The following LARGE1 variants were observed in gnomAD, a reference collection of about 807,000 sequenced individuals.
LARGE1 encodes xylosyl- and glucuronyltransferase LARGE1.
LARGE1 carries 43 observed loss-of-function variants against 87.6 expected under a neutral mutation model. That is an observed-to-expected ratio of 0.49 (90% CI 0.38 to 0.63). The LOEUF is 0.63. LARGE1 is among the 30% of genes least tolerant of loss of function. LARGE1 has a pLI of 0.00. For synonymous variants in LARGE1, 434 were observed against 394.6 expected (o/e 1.10, Z -1.18); for missense variants, 802 against 1,000.2 (o/e 0.80, Z 2.67).
chr22:33,693,991 G>A (rs1383062167), intron 2 of LARGE1, among the ~76,000 whole-genome samples: 1 of 152,202 alleles, frequency 6.6e-6, no homozygotes, highest in African/African-American at 2.4e-5. Flanking sequence ...CCACCCTGGA[G>A]GAAGGAGCAG....
chr22:33,506,197 A>AATATATAT lies in LARGE1; in HGVS notation c.787+58643_787+58650dup, dbSNP rs113938616. 2.0e-5 allele frequency among the ~76,000 whole-genome samples: 3 copies of AATATATAT among 149,112 alleles called. No homozygotes were observed. The South Asian group carries it at 6.3e-4, about 32-fold the overall frequency. The stretch of plus-strand genomic sequence containing the variant: ...GCCCTGAACATAGTATGTGCTACAT[A>AATATATAT]ATATATATATATATATATTTTTGGA... On this transcript the variant is annotated intron_variant, in intron 6 of 14. Transcript: ENST00000397394.
intron 11 of LARGE1, among the ~76,000 whole-genome samples, chr22:33,313,322 G>A (rs1018933006): frequency 6.6e-6 from 1 of 151,996 alleles, no homozygotes; most frequent in Non-Finnish European, 1.5e-5. Context: ...ACCTCCCCTC[G>A]GACACATTCC....
chr22:33,510,414 G>A (rs12159409), intron 6 of LARGE1, among the ~76,000 whole-genome samples: 2,022 of 152,330 alleles, frequency 0.013, 49 homozygotes, highest in African/African-American at 0.047. Context: ...GTGTCTCCGT[G>A]CTAGTAAAAA....
intron 7 of LARGE1, among the ~76,000 whole-genome samples, chr22:33,401,946 T>C (rs2065939155): frequency 1.3e-5 from 2 of 152,230 alleles, no homozygotes; most frequent in African/African-American, 4.8e-5. Context: ...CCAGCATCCC[T>C]TGCTGATGCC....
chr22:33,850,867 C>G (rs1057209019), intron 1 of LARGE1, among the ~76,000 whole-genome samples: 5 of 152,080 alleles, frequency 3.3e-5, no homozygotes, highest in Non-Finnish European at 7.4e-5. Flanking sequence ...TCCCACCACA[C>G]TCCTGCTCCC....
chr22:33,653,400 C>T (rs530388653), intron 2 of LARGE1, among the ~76,000 whole-genome samples: 8 of 152,282 alleles, frequency 5.3e-5, no homozygotes, highest in East Asian at 1.9e-4. Context: ...GAGGTAAAGA[C>T]GCTCAGGAGA....
chr22:33,709,718 C>T (rs554606463), intron 2 of LARGE1, among the ~76,000 whole-genome samples: 3 of 151,716 alleles, frequency 2.0e-5, no homozygotes, highest in East Asian at 1.9e-4. Flanking sequence ...CTCCACCTCC[C>T]GGGTTCACAC....
At chr22:33,554,674 A>C (rs1224434759) in intron 6 of LARGE1, among the ~76,000 whole-genome samples, 1 of 152,156 alleles carries the variant, frequency 6.6e-6, no homozygotes, top group African/African-American at 2.4e-5. Flanking sequence ...TTTTGAAAGT[A>C]CTGTTTTCCT....
chr22:33,197,134 G>A (rs1924123353), intron 11 of LARGE1, among the ~76,000 whole-genome samples: 1 of 152,010 alleles, frequency 6.6e-6, no homozygotes, highest in Non-Finnish European at 1.5e-5. Context: ...CAGAAAAATA[G>A]TAAGAGAAGG....
intron 1 of LARGE1, among the ~76,000 whole-genome samples, chr22:33,815,400 T>A (rs1000839145): frequency 3.9e-5 from 6 of 152,190 alleles, no homozygotes; most frequent in Non-Finnish European, 7.3e-5. Context: ...GCAAACCTCA[T>A]TAAGAGGCAC....
Position 33,384,263 on chromosome 22 carries a change from AT to A in LARGE1, c.933del (p.Lys311AsnfsTer8). On this transcript the variant is annotated frameshift_variant, in exon 8 of 15. Coordinates refer to ENST00000397394, the MANE Select transcript of LARGE1 (RefSeq NM_133642.5). LOFTEE classifies it high-confidence loss of function. ...LLLLDKLRKMKWEQMWRLTAE... is the reference protein window; with the variant it reads ...LLLLDKLRKMXWEQMWRLTAE... ...GCGGTCAGCCTCCACATCTGCTCCC[AT>A]TTCATCTTCCGCAGCTTATCCAGAA... The A allele has an allele frequency of 6.2e-7, 1 of 1,614,104 alleles. No homozygotes were observed. Among genetic ancestry groups the A allele is most frequent in the South Asian group, 1.1e-5 (1 of 91,072 alleles).
intron 11 of LARGE1, among the ~76,000 whole-genome samples, chr22:33,229,956 T>C (rs940936200): frequency 3.3e-5 from 5 of 150,348 alleles, no homozygotes; most frequent in Admixed American, 1.3e-4. Flanking sequence ...TAAAAAACAA[T>C]TGAATTCAGA....
intron 1 of LARGE1, among the ~76,000 whole-genome samples, chr22:33,765,096 C>CT (rs1193263928): frequency 1.3e-5 from 2 of 152,130 alleles, no homozygotes; most frequent in African/African-American, 4.8e-5. Flanking sequence ...CATATAGCTG[C>CT]TTATGTAATT....
intron 1 of LARGE1, among the ~76,000 whole-genome samples, chr22:33,903,521 C>T (rs1233450865): frequency 6.6e-6 from 1 of 152,014 alleles, no homozygotes; most frequent in Admixed American, 6.6e-5. Context: ...GATTCTTCAC[C>T]GTGTCCTTAA....
intron 6 of LARGE1, among the ~76,000 whole-genome samples, chr22:33,457,696 A>C (rs2068196148): frequency 6.6e-6 from 1 of 151,852 alleles, no homozygotes; most frequent in Non-Finnish European, 1.5e-5. Context: ...CAAAAGAGTA[A>C]TTTTTTTTGC....
chr22:33,896,713 C>T (rs569265458), intron 1 of LARGE1, among the ~76,000 whole-genome samples: 136 of 152,300 alleles, frequency 8.9e-4, no homozygotes, highest in Non-Finnish European at 1.4e-3. Flanking sequence ...CTTCCACTCC[C>T]GGCTCCCACC....
chr22:33,473,046 T>G (rs1041870268), intron 6 of LARGE1, among the ~76,000 whole-genome samples: 12 of 152,222 alleles, frequency 7.9e-5, no homozygotes, highest in African/African-American at 2.9e-4. Flanking sequence ...TGTAGAACTT[T>G]TAATGCTAAA....
the LARGE1 span, among the ~76,000 whole-genome samples, chr22:33,115,021 A>G: frequency 6.6e-6 from 1 of 152,224 alleles, no homozygotes; most frequent in South Asian, 2.1e-4. Flanking sequence ...GTGTCCTGAA[A>G]AATGTTATTT....
intron 6 of LARGE1, among the ~76,000 whole-genome samples, chr22:33,519,331 C>A (rs531567717): frequency 1.3e-5 from 2 of 152,048 alleles, no homozygotes; most frequent in Non-Finnish European, 2.9e-5. Flanking sequence ...GAGGGAGGAA[C>A]AGCCAAGGCA....
Sources: allele counts gnomAD v4.1 joint callset (sites outside exome capture counted in the v4.1 genomes callset), GRCh38; gene constraint gnomAD v4.1.1; transcripts MANE v1.5; gene names NCBI Gene and HGNC (gene_info 2026-07-23, HGNC 2026-07-21).